Variants in AP2A2 observed in about 807,000 individuals in gnomAD.
AP2A2 encodes the protein AP-2 complex subunit alpha-2.
A neutral mutation model predicts 104.2 loss-of-function variants in AP2A2; 32 were observed. The ratio of observed to expected loss-of-function variants is 0.31; its 90% CI spans 0.23 to 0.41. The LOEUF is 0.41. Among genes scored for constraint, AP2A2 ranks in the 10% least tolerant of loss-of-function variants. The pLI is 1.00. For synonymous variants in AP2A2, 539 were observed against 533.3 expected (o/e 1.01, Z -0.15); for missense variants, 912 against 1,261.0 (o/e 0.72, Z 4.19).
At chr11:981,603 C>T (rs531828630) in intron 6 of AP2A2, among the ~76,000 whole-genome samples, 16 of 152,342 alleles carry the variant, frequency 1.1e-4, no homozygotes, top group South Asian at 2.1e-4. Flanking sequence ...CTGGCGTGCA[C>T]GCTAAAGCCT....
Position 1,011,350 on chromosome 11 carries a change from G to A in AP2A2, c.*725G>A, listed in dbSNP as rs767334292. 1.5e-5 allele frequency: 8 copies of A among 518,646 alleles called. No individual in the cohort carries two copies. The highest frequency in any genetic ancestry group is 2.3e-5 in the Non-Finnish European group (6 of 259,786). The allele number at this position is 518,646 out of a possible 1,614,324, so 32.1% of individuals were successfully genotyped here. On this transcript the variant is annotated 3_prime_UTR_variant, in exon 22 of 22. Transcript: ENST00000448903. ...GCCCCGCAGGGCCCCCAGGACTCCA[G>A]GGTAAAGTGTGGGCCGGTGGCGCAA...
intron 1 of AP2A2, among the ~76,000 whole-genome samples, chr11:958,923 T>C (rs1457389918): frequency 1.3e-5 from 2 of 152,208 alleles, no homozygotes; most frequent in Non-Finnish European, 1.5e-5. Context: ...TTGCAGAGGC[T>C]GCATCTGTTT....
At chr11:979,535 A>T (rs1349059462) in intron 5 of AP2A2, among the ~76,000 whole-genome samples, 1 of 151,976 alleles carries the variant, frequency 6.6e-6, no homozygotes, top group Non-Finnish European at 1.5e-5. Context: ...GCACAGGGCG[A>T]GTGGTGGGGG....
chr11:984,801 T>G (rs1564809431), intron 7 of AP2A2, 48 bp downstream of exon 7: 1 of 1,415,386 alleles, frequency 7.1e-7, no homozygotes, highest in Non-Finnish European at 9.9e-7. Flanking sequence ...GCCAGTCTGA[T>G]TCCCTGTCTC....
chr11:938,238 C>G (rs1403226655), intron 1 of AP2A2, among the ~76,000 whole-genome samples: 2 of 152,212 alleles, frequency 1.3e-5, no homozygotes, highest in African/African-American at 4.8e-5. Flanking sequence ...CTTGGCTACA[C>G]CGACCCTCCC....
intron 1 of AP2A2, among the ~76,000 whole-genome samples, chr11:936,803 A>G (rs1166010481): frequency 1.3e-5 from 2 of 152,150 alleles, no homozygotes; most frequent in African/African-American, 2.4e-5. Flanking sequence ...TACCTTGGGA[A>G]CAGTGTGATT....
intron 1 of AP2A2, chr11:941,031 T>G (rs1167279590): frequency 2.5e-6 from 1 of 402,094 alleles, no homozygotes; most frequent in Admixed American, 3.1e-5. Context: ...GGAGCTTTTG[T>G]GTTCTCACTT....
At chr11:946,906 G>A (rs1316925276) in intron 1 of AP2A2, 1 of 152,082 alleles carries the variant, frequency 6.6e-6, no homozygotes, top group Admixed American at 6.6e-5. Flanking sequence ...GGTAGGATAC[G>A]TGAAGAAATA....
chr11:996,814 C>T (rs1855871127), intron 14 of AP2A2, among the ~76,000 whole-genome samples: 1 of 142,252 alleles, frequency 7.0e-6, no homozygotes, highest in Admixed American at 7.0e-5. Flanking sequence ...GTGTCTGTGG[C>T]CGAGGCACGC....
chr11:992,038 T>G lies in AP2A2; in HGVS notation c.1270-465T>G, dbSNP rs747819243. 6.6e-6 allele frequency among the ~76,000 whole-genome samples: 1 copy of G among 151,998 alleles called. No homozygotes were observed. The highest frequency in any genetic ancestry group is 1.5e-5 in the Non-Finnish European group (1 of 67,998). On this transcript the variant is annotated intron_variant, in intron 10 of 21. Transcript: ENST00000448903. This position sits in a 1 kb window ranked among gnomAD's most constrained non-coding sequence, Gnocchi z 6.4. Reference sequence around the variant, plus strand: ...AAGAAGGGGAACCCCCAGGTGAGGCTCGCAGGAAAGACTGGCCAGAGCCGG... The same window carrying G: ...AAGAAGGGGAACCCCCAGGTGAGGCGCGCAGGAAAGACTGGCCAGAGCCGG...
intron 1 of AP2A2, among the ~76,000 whole-genome samples, chr11:940,562 A>C (rs577077569): frequency 5.3e-5 from 8 of 152,120 alleles, no homozygotes; most frequent in Non-Finnish European, 1.2e-4. Flanking sequence ...GAGCTTTCTC[A>C]TGACCCAAGT....
rs774667828 is a variant in AP2A2, at chr11:985,441, C to T, written c.821C>T (p.Ala274Val). 6.2e-7 allele frequency: 1 copy of T among 1,613,682 alleles called. No individual in the cohort carries two copies. The highest frequency in any genetic ancestry group is 8.5e-7 in the Non-Finnish European group (1 of 1,179,778). ...LLQCYPPPDP[A>V]VRGRLTECLE... ...GTTCTGTCTTGCCCAGAAGACCCTG[C>T]AGTGCGAGGCCGCCTGACTGAGTGC... The change falls in exon 8 of 22, where the codon GCA becomes GTA. Residue 274 changes from alanine (A) to valine (V), a missense_variant. Around this residue, in one of 7 missense-constraint regions of AP2A2, gnomAD observed 350 missense variants for 487.0 expected, o/e 0.72. Transcript: ENST00000448903.
chr11:968,724 C>T lies in AP2A2; in HGVS notation c.137-1445C>T, dbSNP rs1854710895. Among the ~76,000 whole-genome samples, 2 of 150,992 alleles carry T rather than the reference C, an allele frequency of 1.3e-5. No individual in the cohort carries two copies. The highest frequency in any genetic ancestry group is 1.5e-5 in the Non-Finnish European group (1 of 67,848). On this transcript the variant is annotated intron_variant, in intron 2 of 21. Transcript: ENST00000448903. This position sits in a 1 kb window ranked among gnomAD's most constrained non-coding sequence, Gnocchi z 4.2. ...AGCTGTGTGTGCCCTCCTGCACAAA[C>T]AGGGCACGGAGAACGTGTCTGCTGG...
intron 1 of AP2A2, among the ~76,000 whole-genome samples, chr11:945,576 G>A (rs150112591): frequency 0.069 from 10,436 of 152,128 alleles, 435 homozygotes; most frequent in South Asian, 0.11. Flanking sequence ...CAGGTGATCC[G>A]CCCGCCTCGG....
intron 4 of AP2A2, among the ~76,000 whole-genome samples, chr11:975,902 T>C (rs969122560): frequency 6.6e-6 from 1 of 152,158 alleles, no homozygotes; most frequent in African/African-American, 2.4e-5. Context: ...TGTGAGCTGA[T>C]GATTTAGACT....
At chr11:926,260 G>A (rs1853117733) in intron 1 of AP2A2, among the ~76,000 whole-genome samples, 172 bp downstream of exon 1, 1 of 147,610 alleles carries the variant, frequency 6.8e-6, no homozygotes, top group African/African-American at 2.5e-5. Flanking sequence ...CGGGTCTGGG[G>A]GTGGGGGCCA....
Position 1,009,126 on chromosome 11 carries a change from C to A in AP2A2, c.2447C>A (p.Ser816Tyr). Reference protein sequence around the residue: ...FRYGGTFQNVSVQLPITLNKF... With the variant: ...FRYGGTFQNVYVQLPITLNKF... ...TATGGGGGCACCTTCCAGAACGTGT[C>A]TGTGCAGCTGCCCATCACTCTCAAC... The change falls in exon 19 of 22, where the codon TCT (serine) becomes TAT (tyrosine). Residue 816 changes from serine (S) to tyrosine (Y), a missense_variant. Ser to Tyr is a moderately radical substitution (Grantham distance 144, BLOSUM62 -2). Transcript: ENST00000448903. The A allele has an allele frequency of 6.2e-7, 1 of 1,613,288 alleles. No homozygotes were observed. Among genetic ancestry groups the A allele is most frequent in the Non-Finnish European group, 8.5e-7 (1 of 1,179,858 alleles).
chr11:976,110 C>T (rs1013312148), intron 4 of AP2A2, among the ~76,000 whole-genome samples: 10 of 152,202 alleles, frequency 6.6e-5, no homozygotes, highest in Non-Finnish European at 1.2e-4. Context: ...GCCTGGAACA[C>T]ACCCCTGACG....
intron 5 of AP2A2, among the ~76,000 whole-genome samples, chr11:978,905 G>A (rs553803403): frequency 7.2e-5 from 11 of 152,306 alleles, no homozygotes; most frequent in African/African-American, 2.6e-4. Context: ...GTGGTGGGGA[G>A]GGAGGTGATT....
Sources: allele counts gnomAD v4.1 joint callset (sites outside exome capture counted in the v4.1 genomes callset), GRCh38; gene constraint gnomAD v4.1.1; regional missense constraint gnomAD v4.1.1; non-coding constraint Gnocchi (gnomAD v3.1); transcripts MANE v1.5; gene names NCBI Gene and HGNC (gene_info 2026-07-23, HGNC 2026-07-21).